The following PRKAG2 variants were observed in gnomAD, a reference collection of about 807,000 sequenced individuals.
PRKAG2 encodes 5'-AMP-activated protein kinase subunit gamma-2.
In PRKAG2, 26 loss-of-function variants were observed where a neutral mutation model predicts 69.6. The observed-to-expected ratio is 0.37, with a 90% confidence interval of 0.27 to 0.52. PRKAG2 has a LOEUF of 0.52. PRKAG2 is among the 20% of genes least tolerant of loss of function. The probability of loss-of-function intolerance (pLI) is 0.90; values close to 1 mark genes in which losing one functional copy is unlikely to be tolerated. For missense variants in PRKAG2, 557 were observed against 740.0 expected (o/e 0.75, Z 2.87); for synonymous variants, 293 against 285.0 (o/e 1.03, Z -0.28).
intron 1 of PRKAG2, among the ~76,000 whole-genome samples, chr7:151,801,803 G>A (rs2077851816): frequency 6.6e-6 from 1 of 152,166 alleles, no homozygotes; most frequent in African/African-American, 2.4e-5. Context: ...GCGCCAGCTG[G>A]GAGTCAGGTA....
In PRKAG2 at chr7:151,565,748, T is replaced by A. The variant is rs755421350; in HGVS notation, c.1371A>T (p.Ile457=). Residue 457 remains isoleucine (I), a synonymous_variant, in exon 12 of 16, where the codon ATA becomes ATT. Transcript: ENST00000287878. ...ACTCATCCACAACAGGCAGAGCTGA[T>A]ATTCGTCTTTCCACAAATATGTTCA... ...KALNIFVERR[I]SALPVVDESG... 5 of 1,613,906 alleles carry A rather than the reference T, an allele frequency of 3.1e-6. No individual in the cohort carries two copies. Among genetic ancestry groups the A allele is most frequent in the Non-Finnish European group, 4.2e-6 (5 of 1,179,856 alleles).
intron 1 of PRKAG2, among the ~76,000 whole-genome samples, chr7:151,826,452 G>C (rs936135409): frequency 6.6e-6 from 1 of 152,010 alleles, no homozygotes; most frequent in Non-Finnish European, 1.5e-5. Context: ...CAAAGTGCTG[G>C]GATTACAGAT....
chr7:151,745,658 C>T (rs11771330), intron 3 of PRKAG2, among the ~76,000 whole-genome samples: 76,403 of 152,032 alleles, frequency 0.5, 19,606 homozygotes, highest in East Asian at 0.65. Context: ...CCACTGAGAA[C>T]TGGCAGAGGC....
At chr7:151,659,435 G>C (rs558308941) in intron 4 of PRKAG2, among the ~76,000 whole-genome samples, 1 of 152,272 alleles carries the variant, frequency 6.6e-6, no homozygotes, top group East Asian at 1.9e-4. Context: ...GGTTCTAAAA[G>C]CCCTTTGTAT....
intron 4 of PRKAG2, among the ~76,000 whole-genome samples, chr7:151,659,836 G>A (rs768265371): frequency 1.3e-5 from 2 of 152,198 alleles, no homozygotes; most frequent in Non-Finnish European, 2.9e-5. Context: ...GAAAAAATTC[G>A]GAATGGATTA....
chr7:151,626,466 A>G (rs532914981), intron 5 of PRKAG2, among the ~76,000 whole-genome samples: 7 of 152,210 alleles, frequency 4.6e-5, no homozygotes, highest in Non-Finnish European at 7.3e-5. Flanking sequence ...TCCAGAAACA[A>G]TAAGTCTCTT....
chr7:151,786,126 G>T (rs1393076786), intron 2 of PRKAG2, among the ~76,000 whole-genome samples: 3 of 152,182 alleles, frequency 2.0e-5, no homozygotes, highest in Non-Finnish European at 4.4e-5. Flanking sequence ...ACCACAGATG[G>T]TCGGCAGTGA....
intron 1 of PRKAG2, among the ~76,000 whole-genome samples, chr7:151,864,424 T>G (rs1429268210): frequency 1.3e-5 from 2 of 152,272 alleles, no homozygotes; most frequent in East Asian, 3.9e-4. Context: ...GTTTCCCTTC[T>G]CCCAGGGGCT....
At chr7:151,867,210 G>A (rs1049177790) in intron 1 of PRKAG2, among the ~76,000 whole-genome samples, 1 of 152,214 alleles carries the variant, frequency 6.6e-6, no homozygotes, top group Non-Finnish European at 1.5e-5. Context: ...ATCGGACGGA[G>A]GCTGTGGCTG....
rs1160111723 is a variant in PRKAG2, at chr7:151,807,676, C to G, written c.115-21135G>C. 1 of 449,068 alleles carries G rather than the reference C, an allele frequency of 2.2e-6. No individual in the cohort carries two copies. Among genetic ancestry groups the G allele is most frequent in the Non-Finnish European group, 4.5e-6 (1 of 220,646 alleles). The allele number at this position is 449,068 out of a possible 1,614,324, so 27.8% of individuals were successfully genotyped here. ...GTGCGATGTCCCAAACCTACACAACCGTTTCCACTGCCTATTCCCGGGCCC... is the reference window on the plus strand; with the variant it reads ...GTGCGATGTCCCAAACCTACACAACGGTTTCCACTGCCTATTCCCGGGCCC... On this transcript the variant is annotated intron_variant, in intron 1 of 15. Coordinates refer to ENST00000287878, the MANE Select transcript of PRKAG2 (RefSeq NM_016203.4). This position sits in a 1 kb window ranked among gnomAD's most constrained non-coding sequence, Gnocchi z 4.4.
chr7:151,644,953 G>A (rs1024125761), intron 4 of PRKAG2, among the ~76,000 whole-genome samples: 2 of 152,040 alleles, frequency 1.3e-5, no homozygotes, highest in African/African-American at 4.8e-5. Context: ...TGTGTTTATT[G>A]GTAATTAATG....
chr7:151,695,526 CTGT>C lies in PRKAG2; in HGVS notation c.467-19892_467-19890del, dbSNP rs1295518720. Among the ~76,000 whole-genome samples, 3 of 152,276 alleles carry C rather than the reference CTGT, an allele frequency of 2.0e-5. No individual in the cohort carries two copies. The East Asian group carries it at 5.8e-4, about 29-fold the overall frequency. On this transcript the variant is annotated intron_variant, in intron 3 of 15. Coordinates refer to ENST00000287878, the MANE Select transcript of PRKAG2 (RefSeq NM_016203.4). ...CTAAGTGCCGGCATTGTGCAGGAAG[CTGT>C]GTTGGGGGCTGGGAGCACAGTGGTA...
chr7:151,671,713 T>C (rs1422836690), intron 4 of PRKAG2, among the ~76,000 whole-genome samples: 2 of 152,260 alleles, frequency 1.3e-5, no homozygotes, highest in African/African-American at 4.8e-5. Flanking sequence ...GCTGCCAGGA[T>C]GCTGAAAGCA....
chr7:151,569,600 CTT>C (rs1807079884), intron 10 of PRKAG2, among the ~76,000 whole-genome samples: 1 of 152,142 alleles, frequency 6.6e-6, no homozygotes, highest in Admixed American at 6.5e-5. Context: ...TTTGTTAGGA[CTT>C]GGAAATAAAA....
At chr7:151,646,222 A>C (rs1827538078) in intron 4 of PRKAG2, among the ~76,000 whole-genome samples, 1 of 152,194 alleles carries the variant, frequency 6.6e-6, no homozygotes, top group African/African-American at 2.4e-5. Context: ...ATTAAAAATA[A>C]AACCTACTGG....
chr7:151,840,077 G>A (rs1390774007), intron 1 of PRKAG2, among the ~76,000 whole-genome samples: 2 of 152,196 alleles, frequency 1.3e-5, no homozygotes, highest in South Asian at 2.1e-4. Context: ...GAGTGTGTGC[G>A]CCAGTCCTTG....
At chr7:151,669,045 T>C (rs527785574) in intron 4 of PRKAG2, among the ~76,000 whole-genome samples, 1 of 152,356 alleles carries the variant, frequency 6.6e-6, no homozygotes, top group African/African-American at 2.4e-5. Flanking sequence ...TCGCAAGTGC[T>C]TGATGTGCTC....
Position 151,756,446 on chromosome 7 carries a change from G to T in PRKAG2, c.466+24706C>A, listed in dbSNP as rs185366140. On this transcript the variant is annotated intron_variant, in intron 3 of 15. Coordinates refer to ENST00000287878, the MANE Select transcript of PRKAG2 (RefSeq NM_016203.4). This position sits in a 1 kb window ranked among gnomAD's most constrained non-coding sequence, Gnocchi z 4.9. ...AGCACATGGCTCAGGCACACGCAAC[G>T]ACTCAGTGGTGCCTCCAGGCGAGCG... 1.8e-3 allele frequency among the ~76,000 whole-genome samples: 272 copies of T among 152,316 alleles called. 1 individual carries two copies. Among genetic ancestry groups the T allele is most frequent in the African/African-American group, 6.0e-3 (248 of 41,570 alleles).
intron 5 of PRKAG2, among the ~76,000 whole-genome samples, chr7:151,596,885 T>C (rs1814672953): frequency 6.6e-6 from 1 of 152,012 alleles, no homozygotes; most frequent in African/African-American, 2.4e-5. Flanking sequence ...TTCAATGCAA[T>C]GCCTATCAAA....
Sources: allele counts gnomAD v4.1 joint callset (sites outside exome capture counted in the v4.1 genomes callset), GRCh38; gene constraint gnomAD v4.1.1; non-coding constraint Gnocchi (gnomAD v3.1); transcripts MANE v1.5; gene names NCBI Gene and HGNC (gene_info 2026-07-23, HGNC 2026-07-21).